MYO5B: variants seen among roughly 807,000 people sequenced by gnomAD.
MYO5B encodes the protein myosin VB.
In MYO5B, 143 loss-of-function variants were observed where a neutral mutation model predicts 229.3. The observed-to-expected ratio is 0.62, with a 90% CI of 0.54 to 0.72. The LOEUF is 0.72. Among genes scored for constraint, MYO5B ranks in the 30% least tolerant of loss-of-function variants. MYO5B has a pLI of 0.00. For missense variants in MYO5B, 2,321 were observed against 2,331.0 expected (o/e 1.00, Z 0.09); for synonymous variants, 918 against 885.2 (o/e 1.04, Z -0.66).
chr18:49,986,711 C>T (rs1156357468), intron 7 of MYO5B, among the ~76,000 whole-genome samples: 1 of 152,174 alleles, frequency 6.6e-6, no homozygotes, highest in African/African-American at 2.4e-5. Context: ...AATAAAAGTA[C>T]CAATTTTTTT....
chr18:50,139,942 C>T (rs556251064), intron 1 of MYO5B, among the ~76,000 whole-genome samples: 23 of 152,130 alleles, frequency 1.5e-4, no homozygotes, highest in Non-Finnish European at 2.9e-4. Context: ...AACACCATAG[C>T]TGACGGTGAA....
At chr18:49,913,761 A>G (rs2024983150) in intron 17 of MYO5B, among the ~76,000 whole-genome samples, 1 of 151,900 alleles carries the variant, frequency 6.6e-6, no homozygotes, top group Non-Finnish European at 1.5e-5. Context: ...CACACCCCCT[A>G]TCCTATACCC....
chr18:49,963,891 G>A (rs2025591696), intron 10 of MYO5B, among the ~76,000 whole-genome samples: 1 of 152,174 alleles, frequency 6.6e-6, no homozygotes, highest in Non-Finnish European at 1.5e-5. Context: ...GACAGGTGGT[G>A]CTGAAATTCA....
intron 12 of MYO5B, among the ~76,000 whole-genome samples, chr18:49,955,045 TG>T (rs1357528297): frequency 5.3e-5 from 8 of 152,154 alleles, no homozygotes; most frequent in African/African-American, 1.7e-4. Context: ...CACTACAAAC[TG>T]TAAGTTTGTT....
At chr18:50,127,308 G>A (rs1356731718) in intron 1 of MYO5B, among the ~76,000 whole-genome samples, 2 of 152,138 alleles carry the variant, frequency 1.3e-5, no homozygotes, top group Non-Finnish European at 2.9e-5. Context: ...AAGAACCCAG[G>A]TTCTCCAAGC....
intron 10 of MYO5B, among the ~76,000 whole-genome samples, chr18:49,973,545 A>C (rs1439259775): frequency 6.6e-6 from 1 of 152,206 alleles, no homozygotes; most frequent in African/African-American, 2.4e-5. Context: ...TGTTAGCTTA[A>C]AGAGGACAGG....
In MYO5B at chr18:49,877,854, G is replaced by C; in HGVS notation, c.3305C>G (p.Ser1102Ter). 1 of 1,614,162 alleles carries C rather than the reference G, an allele frequency of 6.2e-7. No individual in the cohort carries two copies. The highest frequency in any genetic ancestry group is 8.5e-7 in the Non-Finnish European group (1 of 1,180,012). Residue 1102 changes from serine to a stop codon, truncating the protein, a stop_gained, in exon 25 of 40, where the codon TCA (serine) becomes TGA (stop). Transcript: ENST00000285039. LOFTEE classifies it high-confidence loss of function. ...KQTPGHRRNP[S>*]NQSSLESDSN... is the part of the protein sequence containing the mutation. ...GTCAGATTCTAAGCTACTTTGGTTT[G>C]ATGGGTTCCGCCTATGACCTGGAGT...
intron 2 of MYO5B, among the ~76,000 whole-genome samples, chr18:50,048,376 C>T (rs998340661): frequency 2.0e-5 from 3 of 152,184 alleles, no homozygotes; most frequent in African/African-American, 4.8e-5. Context: ...CCTGAAACTT[C>T]AGTGGCTTAA....
chr18:49,873,931 C>T (rs1163406540), intron 26 of MYO5B, among the ~76,000 whole-genome samples: 1 of 152,230 alleles, frequency 6.6e-6, no homozygotes, highest in Non-Finnish European at 1.5e-5. Context: ...TGCCATTCCT[C>T]ACTCAGTGCA....
chr18:50,057,834 T>C (rs1042760752), intron 1 of MYO5B, among the ~76,000 whole-genome samples: 2 of 152,080 alleles, frequency 1.3e-5, no homozygotes, highest in Non-Finnish European at 2.9e-5. Flanking sequence ...GTTAGAAGCA[T>C]AGAATTTCAG....
intron 10 of MYO5B, among the ~76,000 whole-genome samples, chr18:49,966,593 A>G (rs1004379646): frequency 6.6e-6 from 1 of 152,202 alleles, no homozygotes; most frequent in Non-Finnish European, 1.5e-5. Flanking sequence ...CACCCCAGCA[A>G]TTGGCCAGAT....
At chr18:50,106,204 T>C (rs1160300320) in intron 1 of MYO5B, among the ~76,000 whole-genome samples, 1 of 152,134 alleles carries the variant, frequency 6.6e-6, no homozygotes, top group Non-Finnish European at 1.5e-5. Context: ...CTGTTTGCTT[T>C]TCTCCATCCC....
intron 1 of MYO5B, among the ~76,000 whole-genome samples, chr18:50,173,039 G>C (rs2144335724): frequency 6.6e-6 from 1 of 152,300 alleles, no homozygotes; most frequent in East Asian, 1.9e-4. Flanking sequence ...TGAGGTGGGT[G>C]AATCACCTGA....
chr18:50,154,249 A>G lies in MYO5B; in HGVS notation c.27+40518T>C, dbSNP rs1001355976. 3.9e-5 allele frequency among the ~76,000 whole-genome samples: 6 copies of G among 152,184 alleles called. No homozygotes were observed. In the South Asian group the frequency reaches 8.3e-4, roughly 21 times the overall value. On this transcript the variant is annotated intron_variant, in intron 1 of 39. Coordinates refer to ENST00000285039, the MANE Select transcript of MYO5B (RefSeq NM_001080467.3). ...CACTCATTATCTTAGAGATTTCTATATTGTTTGATTTTTGCAAGATCATAT... is the reference window on the plus strand; with the variant it reads ...CACTCATTATCTTAGAGATTTCTATGTTGTTTGATTTTTGCAAGATCATAT...
At position 49,966,751 on chromosome 18, in the gene MYO5B, A is replaced by ATT. The variant is rs145301951; in HGVS notation, c.1323-3723_1323-3722dup. On this transcript the variant is annotated intron_variant, in intron 10 of 39. Transcript: ENST00000285039. ...TGAGATGGACTGAAATTAGCTTGTA[A>ATT]TTTTCCTATTTCTAAGATATTATCT... 3.9e-3 allele frequency among the ~76,000 whole-genome samples: 590 copies of ATT among 152,332 alleles called. 4 individuals carry two copies. The highest frequency in any genetic ancestry group is 0.014 in the African/African-American group (571 of 41,574).
intron 21 of MYO5B, among the ~76,000 whole-genome samples, chr18:49,902,223 C>T (rs2024849484): frequency 6.6e-6 from 1 of 152,198 alleles, no homozygotes; most frequent in African/African-American, 2.4e-5. Context: ...GCCTGCATCC[C>T]TCCCACCTCT....
At chr18:49,959,566 A>G (rs2144255824) in intron 12 of MYO5B, among the ~76,000 whole-genome samples, 1 of 152,244 alleles carries the variant, frequency 6.6e-6, no homozygotes, top group Non-Finnish European at 1.5e-5. Flanking sequence ...GTCCTGAGTG[A>G]TTTCCTTTCT....
At chr18:49,952,082 T>C (rs1363084575) in intron 14 of MYO5B, among the ~76,000 whole-genome samples, 3 of 152,216 alleles carry the variant, frequency 2.0e-5, no homozygotes, top group Non-Finnish European at 4.4e-5. Flanking sequence ...GGTCTGTTCT[T>C]GGCAGTCTGC....
At chr18:49,876,091 A>G in intron 25 of MYO5B, 1 of 482,892 alleles carries the variant, frequency 2.1e-6, no homozygotes, top group Non-Finnish European at 3.8e-6. Context: ...AAAATGACCA[A>G]CCATATATTC....
Sources: allele counts gnomAD v4.1 joint callset (sites outside exome capture counted in the v4.1 genomes callset), GRCh38; gene constraint gnomAD v4.1.1; transcripts MANE v1.5; gene names NCBI Gene and HGNC (gene_info 2026-07-23, HGNC 2026-07-21).